Variants in FOXK2 observed in about 807,000 individuals in gnomAD.
FOXK2 encodes the protein forkhead box protein K2.
Under a neutral mutation model 53.3 loss-of-function variants are expected in FOXK2, and 24 were observed. That is an observed-to-expected ratio of 0.45 (90% confidence interval 0.33 to 0.63). The LOEUF (loss-of-function observed/expected upper bound fraction) is 0.63, where lower values mean the gene tolerates loss of function less well. Ranked by LOEUF, FOXK2 falls within the 30% of genes least tolerant of loss-of-function variation. The pLI, the probability that FOXK2 is intolerant of heterozygous loss-of-function variation, is 0.03. For synonymous variants in FOXK2, 505 were observed against 407.1 expected (o/e 1.24, Z -2.89); for missense variants, 952 against 910.5 (o/e 1.05, Z -0.59).
Position 82,520,176 on chromosome 17 carries a change from G to A in FOXK2, c.288G>A (p.Pro96=). 2 of 1,467,050 alleles carry A rather than the reference G, an allele frequency of 1.4e-6. No homozygotes were observed. The highest frequency in any genetic ancestry group is 1.8e-6 in the Non-Finnish European group (2 of 1,108,320). The allele number at this position is 1,467,050 out of a possible 1,614,324, so 90.9% of individuals were successfully genotyped here. ...GCGGCGGCCATGGCGGGGCCGCTCC[G>A]GAGCTGCCGCCCGCGCAGCCCAGGC... is the stretch of plus-strand genomic sequence containing the variant. ...PGGGGHGGAA[P]ELPPAQPRPD... The change falls in exon 1 of 9, where the codon CCG becomes CCA. Residue 96 remains proline, a synonymous_variant. Coordinates refer to ENST00000335255, the MANE Select transcript of FOXK2 (RefSeq NM_004514.4).
chr17:82,564,395 TG>T (rs1194232688), intron 2 of FOXK2, among the ~76,000 whole-genome samples: 1 of 118,456 alleles, frequency 8.4e-6, no homozygotes, highest in African/African-American at 3.1e-5. Flanking sequence ...TTTGTTTGTT[TG>T]TTTGTTTTGT....
intron 6 of FOXK2, among the ~76,000 whole-genome samples, 178 bp from the exon 7 acceptor site, chr17:82,585,726 C>T (rs932138652): frequency 1.3e-5 from 2 of 152,178 alleles, no homozygotes; most frequent in African/African-American, 4.8e-5. Context: ...ATTAAATACC[C>T]CTTTTAAAAT....
chr17:82,552,831 T>C (rs544688419), intron 1 of FOXK2, among the ~76,000 whole-genome samples: 2 of 152,276 alleles, frequency 1.3e-5, no homozygotes, highest in East Asian at 3.9e-4. Context: ...CTGCAGCCAC[T>C]CTGCTCAAGC....
intron 1 of FOXK2, among the ~76,000 whole-genome samples, chr17:82,521,003 G>A (rs1280814489): frequency 6.6e-6 from 1 of 152,122 alleles, no homozygotes; most frequent in East Asian, 1.9e-4. Context: ...GCCTGATAGG[G>A]AACTGCCTAT....
chr17:82,547,386 A>G (rs1331474966), intron 1 of FOXK2, among the ~76,000 whole-genome samples: 1 of 151,974 alleles, frequency 6.6e-6, no homozygotes, highest in South Asian at 2.1e-4. Flanking sequence ...CAAAAATCAT[A>G]ATGTTTTAAG....
intron 1 of FOXK2, among the ~76,000 whole-genome samples, chr17:82,557,878 C>A (rs1486539528): frequency 6.6e-6 from 1 of 152,130 alleles, no homozygotes; most frequent in Non-Finnish European, 1.5e-5. Context: ...GTCTTGAACT[C>A]CTGGGCTCAA....
At chr17:82,567,472 G>C (rs1017033430) in intron 2 of FOXK2, among the ~76,000 whole-genome samples, 1 of 151,950 alleles carries the variant, frequency 6.6e-6, no homozygotes, top group Non-Finnish European at 1.5e-5. Flanking sequence ...TGTCCCGGGC[G>C]CCCCCAGCTG....
intron 1 of FOXK2, among the ~76,000 whole-genome samples, chr17:82,541,413 C>T (rs1481083991): frequency 1.3e-5 from 2 of 151,468 alleles, no homozygotes; most frequent in Admixed American, 1.3e-4. Flanking sequence ...GCTGGGATTA[C>T]AGGCGCCCGC....
chr17:82,596,650 G>C (rs574362068), intron 8 of FOXK2, among the ~76,000 whole-genome samples: 8 of 97,548 alleles, frequency 8.2e-5, no homozygotes, highest in Middle Eastern at 0.013. Flanking sequence ...TTTAAAAATC[G>C]CTTCAGCCAT....
intron 1 of FOXK2, among the ~76,000 whole-genome samples, chr17:82,534,488 G>C (rs2044502093): frequency 1.3e-5 from 2 of 152,238 alleles, no homozygotes; most frequent in African/African-American, 4.8e-5. Flanking sequence ...CTCCTGCAGA[G>C]CATGTGCACA....
chr17:82,577,421 C>G (rs987317587), intron 4 of FOXK2: 4 of 410,416 alleles, frequency 9.7e-6, no homozygotes, highest in South Asian at 2.5e-5. Flanking sequence ...GCTCCTACCC[C>G]GCCTGTGGCC....
chr17:82,566,481 C>T (rs1598215496), intron 2 of FOXK2, among the ~76,000 whole-genome samples: 1 of 152,236 alleles, frequency 6.6e-6, no homozygotes, highest in South Asian at 2.1e-4. Context: ...AGTAAGTGTG[C>T]AAGTGGGTAG....
At chr17:82,544,034 C>T (rs960600059) in intron 1 of FOXK2, among the ~76,000 whole-genome samples, 21 of 152,216 alleles carry the variant, frequency 1.4e-4, no homozygotes, top group Non-Finnish European at 2.9e-4. Flanking sequence ...CCTCAGCCTC[C>T]CAAAGTGCTC....
chr17:82,597,848 C>A (rs2045332621), intron 8 of FOXK2, among the ~76,000 whole-genome samples: 1 of 152,170 alleles, frequency 6.6e-6, no homozygotes, highest in African/African-American at 2.4e-5. Flanking sequence ...CGGGGTTGCA[C>A]CACGTTGGCC....
At chr17:82,584,549 CTTTTTT>C (rs34083156) in intron 6 of FOXK2, among the ~76,000 whole-genome samples, 8 of 89,876 alleles carry the variant, frequency 8.9e-5, no homozygotes, top group East Asian at 7.5e-4. Flanking sequence ...AAAACATGTC[CTTTTTT>C]TTTTTTTTTT....
At chr17:82,579,064 G>C (rs2045025502) in intron 4 of FOXK2, among the ~76,000 whole-genome samples, 1 of 150,566 alleles carries the variant, frequency 6.6e-6, no homozygotes, top group South Asian at 2.1e-4. Context: ...CTCTTTCTGA[G>C]TCCCCGCTTA....
In FOXK2 at chr17:82,553,556, T is replaced by C. The variant is rs942840896; in HGVS notation, c.420-9798T>C. 2.0e-5 allele frequency among the ~76,000 whole-genome samples: 3 copies of C among 152,218 alleles called. No individual in the cohort carries two copies. The East Asian group carries it at 5.8e-4, about 29-fold the overall frequency. ...TGCAGGTTCCCAGCCATGCCGTCACTCCACAGAAGCACAAACATGGTTTTC... is the reference window on the plus strand; with the variant it reads ...TGCAGGTTCCCAGCCATGCCGTCACCCCACAGAAGCACAAACATGGTTTTC... On this transcript the variant is annotated intron_variant, in intron 1 of 8. Transcript: ENST00000335255.
chr17:82,552,603 C>T (rs184341741), intron 1 of FOXK2, among the ~76,000 whole-genome samples: 1 of 152,182 alleles, frequency 6.6e-6, no homozygotes, highest in Non-Finnish European at 1.5e-5. Context: ...CGTCGAACGT[C>T]CCTCAGTTAG....
intron 1 of FOXK2, among the ~76,000 whole-genome samples, chr17:82,555,922 A>T (rs2044720364): frequency 2.9e-5 from 4 of 139,632 alleles, no homozygotes; most frequent in East Asian, 2.3e-4. Flanking sequence ...AAAAAGAAAT[A>T]GGTCATGGTC....
Sources: allele counts gnomAD v4.1 joint callset (sites outside exome capture counted in the v4.1 genomes callset), GRCh38; gene constraint gnomAD v4.1.1; transcripts MANE v1.5; gene names NCBI Gene and HGNC (gene_info 2026-07-23, HGNC 2026-07-21).